STK3: variants seen among roughly 807,000 people sequenced by gnomAD.
STK3 encodes the protein serine/threonine-protein kinase 3.
In STK3, 41 loss-of-function variants were observed where a neutral mutation model predicts 58.0. The observed-to-expected ratio is 0.71, with a 90% CI of 0.55 to 0.92. STK3 has a LOEUF of 0.92. STK3 is among the 40% of genes least tolerant of loss of function. The pLI, the probability that STK3 is intolerant of heterozygous loss-of-function variation, is 0.00. For synonymous variants in STK3, 170 were observed against 191.0 expected, an observed-to-expected ratio of 0.89 and a Z score of 0.91; for missense variants, 479 against 602.7, an observed-to-expected ratio of 0.79 and a Z score of 2.15.
intron 3 of STK3, among the ~76,000 whole-genome samples, chr8:98,839,301 C>T (rs1228854989): frequency 1.3e-5 from 2 of 152,078 alleles, no homozygotes; most frequent in Admixed American, 6.5e-5. Flanking sequence ...CCTCCTGCCT[C>T]GGCCTCCCAA....
chr8:98,579,730 A>G lies in STK3; in HGVS notation c.882T>C (p.Ala294=), dbSNP rs148320099. 55 of 1,609,934 alleles carry G rather than the reference A, an allele frequency of 3.4e-5. No individual in the cohort carries two copies. In the East Asian group the frequency reaches 1.1e-3, roughly 32 times the overall value. ...VSILRDLITE[A]MEIKAKRHEE... is the part of the protein sequence containing the mutation. ...CATGTCTTTTAGCTTTGATCTCCAT[A>G]GCTTCTGTGATCAGGTCTCTTAATA... The change falls in exon 8 of 11, where the codon GCT becomes GCC. Residue 294 remains alanine (A), a synonymous_variant. Coordinates refer to ENST00000419617, the MANE Select transcript of STK3 (RefSeq NM_006281.4).
rs184006821 is a variant in STK3, at chr8:98,877,773, G to A, written c.110+5874C>T. On this transcript the variant is annotated intron_variant, in intron 3 of 12. Coordinates refer to the STK3 transcript ENST00000523601. ...GTTGGGATTACAGGCATGAGCCACC[G>A]TGCCCAGCCCAGTCATTCCATGTTT... 4.3e-3 allele frequency among the ~76,000 whole-genome samples: 650 copies of A among 151,894 alleles called. 5 individuals carry two copies. The highest frequency in any genetic ancestry group is 0.01 in the South Asian group (48 of 4,790).
chr8:98,889,740 C>T (rs1052047362), intron 1 of STK3: 1 of 152,158 alleles, frequency 6.6e-6, no homozygotes, highest in Non-Finnish European at 1.5e-5. Flanking sequence ...CACCTGAATT[C>T]AGGGCTTGTT....
intron 10 of STK3, among the ~76,000 whole-genome samples, chr8:98,501,374 A>G (rs1823582076): frequency 6.6e-6 from 1 of 151,678 alleles, no homozygotes; most frequent in Non-Finnish European, 1.5e-5. Flanking sequence ...CTCTGATAGT[A>G]TTTTCTTTTG....
chr8:98,503,578 C>T (rs1193653685), intron 10 of STK3, among the ~76,000 whole-genome samples: 1 of 152,076 alleles, frequency 6.6e-6, no homozygotes, highest in Non-Finnish European at 1.5e-5. Flanking sequence ...TTTAAATGTG[C>T]CCCAGAGAAT....
intron 4 of STK3, among the ~76,000 whole-genome samples, chr8:98,708,396 G>T (rs556968413): frequency 6.6e-6 from 1 of 152,092 alleles, no homozygotes; most frequent in Non-Finnish European, 1.5e-5. Context: ...AATCTTCTGC[G>T]AGAAGCTCCT....
intron 4 of STK3, among the ~76,000 whole-genome samples, chr8:98,748,838 TG>T (rs949423603): frequency 2.7e-4 from 41 of 151,986 alleles, no homozygotes; most frequent in African/African-American, 7.0e-4. Context: ...AATACAAAAA[TG>T]TTTTTTTTTA....
intron 6 of STK3, among the ~76,000 whole-genome samples, chr8:98,694,845 T>C (rs1824732588): frequency 6.6e-6 from 1 of 152,230 alleles, no homozygotes; most frequent in South Asian, 2.1e-4. Flanking sequence ...GCATGATTTA[T>C]AGTCCTTTGG....
chr8:98,490,060 T>G (rs1221796644), intron 10 of STK3, among the ~76,000 whole-genome samples: 1 of 152,206 alleles, frequency 6.6e-6, no homozygotes, highest in Non-Finnish European at 1.5e-5. Context: ...TTATGTCCCT[T>G]ATGTTCTATA....
At chr8:98,621,965 CA>C (rs1357923200) in intron 6 of STK3, among the ~76,000 whole-genome samples, 86 of 143,338 alleles carry the variant, frequency 6.0e-4, no homozygotes, top group Middle Eastern at 3.6e-3. Flanking sequence ...ATTCTACATA[CA>C]AAAAAAAAAA....
Position 98,435,771 on chromosome 8 carries a change from C to G in STK3, n.291+1332G>C, listed in dbSNP as rs537311820. ...GCCCGAGTGCCTGGGATACACAGAG[C>G]GGGTGTGCAGTGGGCAGAGGGAGGC... On this transcript the variant is annotated intron_variant and non_coding_transcript_variant, in intron 2 of 3. Coordinates refer to the STK3 transcript ENST00000517832. 1.2e-3 allele frequency among the ~76,000 whole-genome samples: 187 copies of G among 152,132 alleles called. 1 individual carries two copies. The highest frequency in any genetic ancestry group is 4.4e-3 in the African/African-American group (184 of 41,510).
At chr8:98,538,732 T>G (rs1809988833) in intron 9 of STK3, among the ~76,000 whole-genome samples, 1 of 152,204 alleles carries the variant, frequency 6.6e-6, no homozygotes. Context: ...TACATCCTTG[T>G]GTGTGTTTTG....
chr8:98,680,158 T>A (rs1467923129), intron 6 of STK3, among the ~76,000 whole-genome samples: 1 of 152,168 alleles, frequency 6.6e-6, no homozygotes, highest in Non-Finnish European at 1.5e-5. Context: ...GTATCTGTTA[T>A]CTGAAAGATC....
At chr8:98,908,709 G>A (rs2131974588) in intron 1 of STK3, among the ~76,000 whole-genome samples, 1 of 151,920 alleles carries the variant, frequency 6.6e-6, no homozygotes. Flanking sequence ...CAGGCGTGGT[G>A]GCAGGCACCT....
At chr8:98,535,981 T>A (rs1229301348) in intron 9 of STK3, among the ~76,000 whole-genome samples, 1 of 152,076 alleles carries the variant, frequency 6.6e-6, no homozygotes, top group African/African-American at 2.4e-5. Flanking sequence ...TAGAGAGAAG[T>A]GGTAGCAACA....
downstream of STK3, among the ~76,000 whole-genome samples, chr8:98,370,972 C>T (rs927364678): frequency 1.3e-5 from 2 of 152,206 alleles, no homozygotes; most frequent in Non-Finnish European, 2.9e-5. Context: ...AGAGTAGGCA[C>T]TTAACACTTA....
chr8:98,381,552 C>T (rs907530380), intron 1 of STK3, among the ~76,000 whole-genome samples: 8 of 152,118 alleles, frequency 5.3e-5, no homozygotes, highest in South Asian at 4.1e-4. Flanking sequence ...CTGTGAGGTT[C>T]GGGAGAAAAA....
chr8:98,711,650 A>C (rs1587384077), intron 4 of STK3, among the ~76,000 whole-genome samples: 1 of 152,310 alleles, frequency 6.6e-6, no homozygotes. Flanking sequence ...GACCAAATCT[A>C]TGTCTGATTG....
intron 6 of STK3, among the ~76,000 whole-genome samples, chr8:98,641,738 C>T (rs1395349377): frequency 6.6e-6 from 1 of 152,116 alleles, no homozygotes; most frequent in Non-Finnish European, 1.5e-5. Flanking sequence ...GTAGCAGAAG[C>T]ATATATAAAG....
Sources: allele counts gnomAD v4.1 joint callset (sites outside exome capture counted in the v4.1 genomes callset), GRCh38; gene constraint gnomAD v4.1.1; transcripts MANE v1.5; gene names NCBI Gene and HGNC (gene_info 2026-07-23, HGNC 2026-07-21).